The following RPRD1A variants were observed in gnomAD, a reference collection of about 807,000 sequenced individuals.
The protein encoded by RPRD1A is regulation of nuclear pre-mRNA domain-containing protein 1A.
A neutral mutation model predicts 37.8 loss-of-function variants in RPRD1A; 9 were observed. That is an observed-to-expected ratio of 0.24 (90% CI 0.14 to 0.42). RPRD1A has a LOEUF of 0.42. RPRD1A is among the 10% of genes least tolerant of loss of function. The probability of loss-of-function intolerance (pLI) is 1.00; values close to 1 mark genes in which losing one functional copy is unlikely to be tolerated. For missense variants in RPRD1A, 255 were observed against 371.0 expected (o/e 0.69, Z 2.57); for synonymous variants, 138 against 139.7 (o/e 0.99, Z 0.08).
intron 1 of RPRD1A, chr18:36,040,794 T>C: frequency 2.7e-6 from 4 of 1,476,848 alleles, no homozygotes; most frequent in Non-Finnish European, 2.7e-6. Flanking sequence ...GAAAAGTGTT[T>C]TTATTCACTT....
chr18:36,034,801 G>C (rs180776115), intron 1 of RPRD1A, among the ~76,000 whole-genome samples: 2 of 152,240 alleles, frequency 1.3e-5, no homozygotes, highest in Non-Finnish European at 2.9e-5. Context: ...TGGTCCTCTA[G>C]ATGTTAAGTA....
chr18:36,047,284 T>C (rs866063057), intron 1 of RPRD1A, among the ~76,000 whole-genome samples: 3 of 152,058 alleles, frequency 2.0e-5, no homozygotes, highest in African/African-American at 4.8e-5. Flanking sequence ...ATAAAATATG[T>C]TGAAAATACA....
chr18:36,053,380 A>C (rs2144388745), intron 1 of RPRD1A, among the ~76,000 whole-genome samples: 1 of 152,238 alleles, frequency 6.6e-6, no homozygotes, highest in South Asian at 2.1e-4. Context: ...GGATTTACCT[A>C]TTCTAGATAT....
chr18:36,056,074 T>C (rs1913745535), intron 1 of RPRD1A, among the ~76,000 whole-genome samples: 1 of 151,992 alleles, frequency 6.6e-6, no homozygotes, highest in African/African-American at 2.4e-5. Flanking sequence ...AATAGAAAAA[T>C]TTTAATAGAA....
intron 1 of RPRD1A, among the ~76,000 whole-genome samples, chr18:36,051,064 G>A (rs1385362983): frequency 6.6e-6 from 1 of 152,032 alleles, no homozygotes; most frequent in East Asian, 1.9e-4. Context: ...GTCTTGCTGT[G>A]TATGGAAGAA....
Position 36,027,035 on chromosome 18 carries a change from A to T in RPRD1A, c.654T>A (p.Asp218Glu). The stretch of plus-strand genomic sequence containing the variant: ...TGTAATCTGCCAGCAACATACACGC[A>T]TCCTCTACCATTTTGGAAAGCCTTT... ...SGERLSKMVEDACMLLADYNG... is the reference protein window; with the variant it reads ...SGERLSKMVEEACMLLADYNG... Residue 218 changes from aspartate (D) to glutamate (E), a missense_variant, in exon 6 of 7, where the codon GAT becomes GAA. This residue lies in a region of RPRD1A where 211 missense variants were observed against 268.9 expected (regional missense o/e 0.78). Transcript: ENST00000399022. The T allele has an allele frequency of 6.2e-7, 1 of 1,614,052 alleles. No individual in the cohort carries two copies. The highest frequency in any genetic ancestry group is 8.5e-7 in the Non-Finnish European group (1 of 1,179,920).
rs958530397 is a variant in RPRD1A at position 36,043,106 on chromosome 18, T to C, written c.152-9269A>G. Reference sequence around the variant, plus strand: ...AATGAAAGCGATTGATGTATTGATATGGAAAAATATCAAAGACATAGTATT... The same window carrying C: ...AATGAAAGCGATTGATGTATTGATACGGAAAAATATCAAAGACATAGTATT... On this transcript the variant is annotated intron_variant, in intron 1 of 6. Transcript: ENST00000399022. 2.1e-4 allele frequency among the ~76,000 whole-genome samples: 29 copies of C among 136,502 alleles called. 1 individual carries two copies. The Admixed American group carries it at 2.3e-3, about 11-fold the overall frequency. 89.6% of individuals were successfully genotyped at this position (136,502 alleles called of 152,430 possible). A position where few individuals can be genotyped will look rare whatever the true frequency, so the allele number is the denominator to read the frequency against.
chr18:36,024,313 ATTTTTTTT>A, intron 6 of RPRD1A, among the ~76,000 whole-genome samples: 1 of 126,566 alleles, frequency 7.9e-6, no homozygotes, highest in South Asian at 2.6e-4. Flanking sequence ...CACCTGGTTA[ATTTTTTTT>A]TTTTTTTTTT....
intron 1 of RPRD1A, among the ~76,000 whole-genome samples, chr18:36,047,973 C>T (rs115260314): frequency 0.012 from 1,774 of 151,838 alleles, 42 homozygotes; most frequent in African/African-American, 0.04. Flanking sequence ...GAAGTTAGTG[C>T]TATGGTACTC....
intron 1 of RPRD1A, among the ~76,000 whole-genome samples, chr18:36,055,455 T>C (rs1479679653): frequency 6.6e-6 from 1 of 152,214 alleles, no homozygotes; most frequent in Non-Finnish European, 1.5e-5. Flanking sequence ...AGCACAAAGT[T>C]AGACAATTAT....
chr18:36,052,208 T>C (rs1194322634), intron 1 of RPRD1A, among the ~76,000 whole-genome samples: 1 of 148,276 alleles, frequency 6.7e-6, no homozygotes, highest in Non-Finnish European at 1.5e-5. Flanking sequence ...AAAACAATCC[T>C]TCAAAACTAA....
chr18:36,016,311 C>A (rs1910571368), intron 6 of RPRD1A, among the ~76,000 whole-genome samples: 1 of 152,180 alleles, frequency 6.6e-6, no homozygotes, highest in African/African-American at 2.4e-5. Context: ...CAACCTCCAC[C>A]TACTGGGTTC....
At chr18:36,031,519 A>G (rs761892422) in intron 2 of RPRD1A, among the ~76,000 whole-genome samples, 2 of 152,190 alleles carry the variant, frequency 1.3e-5, no homozygotes, top group African/African-American at 4.8e-5. Flanking sequence ...ATTTATAAGT[A>G]TCACAAAAGA....
At chr18:36,004,544 C>T (rs564287454) in intron 6 of RPRD1A, among the ~76,000 whole-genome samples, 12 of 152,288 alleles carry the variant, frequency 7.9e-5, no homozygotes, top group African/African-American at 2.2e-4. Context: ...CATGAGCCGG[C>T]GCCCAGCCTC....
chr18:36,010,082 TGTTA>T (rs139748144), intron 6 of RPRD1A, among the ~76,000 whole-genome samples: 2,859 of 151,578 alleles, frequency 0.019, 82 homozygotes, highest in African/African-American at 0.064. Flanking sequence ...TGGTATGATA[TGTTA>T]GTTATTTAAT....
chr18:36,022,043 G>C (rs2144251253), intron 6 of RPRD1A, among the ~76,000 whole-genome samples: 1 of 152,264 alleles, frequency 6.6e-6, no homozygotes, highest in East Asian at 1.9e-4. Flanking sequence ...AAAGAAGAAA[G>C]CTAAACAGCC....
chr18:36,055,578 G>T (rs1483631060), intron 1 of RPRD1A, among the ~76,000 whole-genome samples: 1 of 152,074 alleles, frequency 6.6e-6, no homozygotes, highest in Non-Finnish European at 1.5e-5. Context: ...AGACTGCACA[G>T]TTCTCAGCCT....
intron 6 of RPRD1A, among the ~76,000 whole-genome samples, chr18:36,015,209 CAT>C (rs1402181382): frequency 2.0e-5 from 3 of 146,734 alleles, no homozygotes; most frequent in South Asian, 2.2e-4. Flanking sequence ...CACACATTCA[CAT>C]ACTTTTTTTT....
intron 6 of RPRD1A, among the ~76,000 whole-genome samples, chr18:36,015,283 G>A (rs1001076135): frequency 4.2e-4 from 61 of 146,588 alleles, no homozygotes; most frequent in Admixed American, 9.8e-4. Context: ...CGTGATCTCC[G>A]CTCACTGCAA....
Sources: gnomAD v4.1 joint callset for allele counts (sites outside exome capture counted in the v4.1 genomes callset) on GRCh38, gnomAD v4.1.1 for gene constraint, gnomAD v4.1.1 regional missense constraint, MANE v1.5 for transcripts, NCBI Gene and HGNC (gene_info 2026-07-23, HGNC 2026-07-21) for gene names.